ANGPT1: variants seen among roughly 807,000 people sequenced by gnomAD.
ANGPT1 encodes the protein angiopoietin 1.
In ANGPT1, 17 loss-of-function variants were observed where a neutral mutation model predicts 62.2. That is an observed-to-expected ratio of 0.27 (90% CI 0.19 to 0.41). The LOEUF is 0.41. ANGPT1 is among the 10% of genes least tolerant of loss of function. The pLI is 1.00. For missense variants in ANGPT1, 478 were observed against 594.9 expected (o/e 0.80, Z 2.04); for synonymous variants, 199 against 198.9 (o/e 1.00, Z 0.00).
At chr8:107,396,626 T>A (rs780368373) in intron 1 of ANGPT1, among the ~76,000 whole-genome samples, 1 of 144,892 alleles carries the variant, frequency 6.9e-6, no homozygotes, top group Admixed American at 7.3e-5. Flanking sequence ...ACTTAAAGGA[T>A]CTTCATGCTT....
chr8:107,485,544 C>G (rs1315885969), intron 1 of ANGPT1, among the ~76,000 whole-genome samples: 1 of 152,162 alleles, frequency 6.6e-6, no homozygotes, highest in African/African-American at 2.4e-5. Flanking sequence ...AGAACTATCA[C>G]AATTGTCTAC....
intron 7 of ANGPT1, among the ~76,000 whole-genome samples, chr8:107,273,249 T>C (rs986930452): frequency 2.0e-5 from 3 of 152,082 alleles, no homozygotes; most frequent in African/African-American, 7.2e-5. Flanking sequence ...CAGCATTCCC[T>C]TGGGGTAGAT....
chr8:107,307,557 G>A (rs935782757), intron 4 of ANGPT1, among the ~76,000 whole-genome samples: 3 of 152,032 alleles, frequency 2.0e-5, no homozygotes, highest in Admixed American at 1.3e-4. Context: ...TATAGAAGTT[G>A]TCTTTGCCTA....
intron 1 of ANGPT1, among the ~76,000 whole-genome samples, chr8:107,468,330 G>C (rs1197423406): frequency 1.3e-5 from 2 of 151,818 alleles, no homozygotes; most frequent in Non-Finnish European, 2.9e-5. Context: ...ACACTATTTA[G>C]GTCAAGTAAA....
At chr8:107,462,076 T>C (rs1812085722) in intron 1 of ANGPT1, among the ~76,000 whole-genome samples, 1 of 152,126 alleles carries the variant, frequency 6.6e-6, no homozygotes, top group Non-Finnish European at 1.5e-5. Flanking sequence ...AGGCTATGTC[T>C]AGTTTCATTT....
intron 1 of ANGPT1, among the ~76,000 whole-genome samples, chr8:107,446,663 G>A (rs1409038446): frequency 6.6e-6 from 1 of 152,126 alleles, no homozygotes; most frequent in African/African-American, 2.4e-5. Flanking sequence ...ATAGAATCAG[G>A]GTTTGCTTTG....
At position 107,336,227 on chromosome 8, in the gene ANGPT1, A is replaced by G; in HGVS notation, c.498T>C (p.Asn166=). 6.2e-7 allele frequency: 1 copy of G among 1,608,830 alleles called. No homozygotes were observed. Among genetic ancestry groups the G allele is most frequent in the Non-Finnish European group, 8.5e-7 (1 of 1,178,286 alleles). Reference sequence around the variant, plus strand: ...TCTCTAGCTTGTAGGTGGATAATGAATTCTCCAGCAGCTGTATCTCAAGTC... The same window carrying G: ...TCTCTAGCTTGTAGGTGGATAATGAGTTCTCCAGCAGCTGTATCTCAAGTC... The part of the protein sequence containing the change: ...TSRLEIQLLE[N]SLSTYKLEKQ... The change falls in exon 3 of 9, where the codon AAT becomes AAC. Residue 166 remains asparagine (N), a synonymous_variant. Transcript: ENST00000517746.
At chr8:107,316,925 G>T (rs1815027016) in intron 4 of ANGPT1, among the ~76,000 whole-genome samples, 1 of 152,116 alleles carries the variant, frequency 6.6e-6, no homozygotes, top group East Asian at 1.9e-4. Flanking sequence ...CAAATTCTCT[G>T]TAGAGGTTAT....
intron 8 of ANGPT1, among the ~76,000 whole-genome samples, chr8:107,253,177 TTGA>T (rs1813285032): frequency 1.3e-5 from 2 of 152,342 alleles, no homozygotes; most frequent in South Asian, 4.1e-4. Flanking sequence ...AAGGTATGTC[TTGA>T]TGAATTTGGA....
At chr8:107,394,971 A>T (rs974677082) in intron 1 of ANGPT1, among the ~76,000 whole-genome samples, 3 of 152,140 alleles carry the variant, frequency 2.0e-5, no homozygotes, top group Non-Finnish European at 4.4e-5. Flanking sequence ...TTTTTTTAAA[A>T]AGCAGTAGCT....
chr8:107,486,131 G>A (rs185302295), intron 1 of ANGPT1, among the ~76,000 whole-genome samples: 2 of 152,306 alleles, frequency 1.3e-5, no homozygotes, highest in Admixed American at 1.3e-4. Flanking sequence ...TGAGAAAGGG[G>A]CAACACATTT....
intron 1 of ANGPT1, among the ~76,000 whole-genome samples, chr8:107,431,421 T>G (rs1176850954): frequency 6.6e-6 from 1 of 152,160 alleles, no homozygotes; most frequent in Non-Finnish European, 1.5e-5. Flanking sequence ...TGAGGACAGA[T>G]CCAGAACACA....
intron 1 of ANGPT1, among the ~76,000 whole-genome samples, chr8:107,387,849 C>A (rs922391689): frequency 6.6e-6 from 1 of 151,690 alleles, no homozygotes; most frequent in Non-Finnish European, 1.5e-5. Context: ...CTTTACTTTT[C>A]CCCACAACTT....
At chr8:107,258,869 A>C (rs182332819) in intron 8 of ANGPT1, among the ~76,000 whole-genome samples, 2 of 152,324 alleles carry the variant, frequency 1.3e-5, no homozygotes, top group Non-Finnish European at 2.9e-5. Context: ...CGTTTATACT[A>C]ACATTCATTT....
intron 1 of ANGPT1, among the ~76,000 whole-genome samples, chr8:107,424,571 T>C (rs1280123031): frequency 6.6e-6 from 1 of 152,222 alleles, no homozygotes; most frequent in East Asian, 1.9e-4. Flanking sequence ...ATGGCCATGT[T>C]ATTCCCCTCC....
At chr8:107,405,504 A>G (rs1817131851) in intron 1 of ANGPT1, among the ~76,000 whole-genome samples, 1 of 151,996 alleles carries the variant, frequency 6.6e-6, no homozygotes, top group African/African-American at 2.4e-5. Context: ...ATGTGATCAA[A>G]ACATTGTTTA....
intron 1 of ANGPT1, among the ~76,000 whole-genome samples, chr8:107,356,820 G>T (rs1157607686): frequency 6.6e-6 from 1 of 152,208 alleles, no homozygotes; most frequent in Non-Finnish European, 1.5e-5. Flanking sequence ...CACACATGCG[G>T]CAAGGGCACA....
chr8:107,342,885 G>A (rs957285014), intron 2 of ANGPT1, among the ~76,000 whole-genome samples: 1 of 151,670 alleles, frequency 6.6e-6, no homozygotes, highest in African/African-American at 2.4e-5. Context: ...AACCATGCTG[G>A]AGTGCAGTGG....
At chr8:107,272,349 T>C (rs1248480575) in intron 7 of ANGPT1, among the ~76,000 whole-genome samples, 1 of 152,108 alleles carries the variant, frequency 6.6e-6, no homozygotes, top group Non-Finnish European at 1.5e-5. Context: ...GATTCTCATA[T>C]GATTGTTTTA....
Sources: gnomAD v4.1 joint callset for allele counts (sites outside exome capture counted in the v4.1 genomes callset) on GRCh38, gnomAD v4.1.1 for gene constraint, MANE v1.5 for transcripts, NCBI Gene and HGNC (gene_info 2026-07-23, HGNC 2026-07-21) for gene names.